CAMTA1: variants seen among roughly 807,000 people sequenced by gnomAD.
CAMTA1 encodes the protein calmodulin-binding transcription activator 1.
In CAMTA1, 27 loss-of-function variants were observed where a neutral mutation model predicts 170.9. The observed-to-expected ratio is 0.16, with a 90% CI of 0.12 to 0.22. CAMTA1 has a LOEUF of 0.22. Among genes scored for constraint, CAMTA1 ranks in the 10% least tolerant of loss-of-function variants. CAMTA1 has a pLI of 1.00. For synonymous variants in CAMTA1, 833 were observed against 891.5 expected (o/e 0.93, Z 1.17); for missense variants, 1,619 against 2,217.2 (o/e 0.73, Z 5.42).
intron 6 of CAMTA1, among the ~76,000 whole-genome samples, chr1:7,557,547 T>C (rs1342483844): frequency 6.6e-6 from 1 of 152,194 alleles, no homozygotes; most frequent in Non-Finnish European, 1.5e-5. Context: ...GAAAAGCAAA[T>C]GAAAAACATA....
chr1:6,871,952 TTGAG>T (rs1668518164), intron 3 of CAMTA1: 2 of 1,286,670 alleles, frequency 1.6e-6, no homozygotes, highest in Admixed American at 3.9e-5. Flanking sequence ...AGATACCCCT[TTGAG>T]TGATAAATTT....
chr1:7,461,134 G>A (rs1390341391), intron 5 of CAMTA1, among the ~76,000 whole-genome samples: 1 of 152,218 alleles, frequency 6.6e-6, no homozygotes, highest in African/African-American at 2.4e-5. Flanking sequence ...GAAGAGAGGG[G>A]AGGGGAGCTC....
intron 6 of CAMTA1, among the ~76,000 whole-genome samples, chr1:7,628,253 G>A (rs1488266045): frequency 6.6e-6 from 1 of 152,194 alleles, no homozygotes; most frequent in African/African-American, 2.4e-5. Flanking sequence ...CAGCAGGAAA[G>A]AGCACCCCTG....
rs1300189577 is a variant in CAMTA1 at position 7,456,783 on chromosome 1, C to A, written c.439-11047C>A. 2.0e-5 allele frequency among the ~76,000 whole-genome samples: 3 copies of A among 152,236 alleles called. No individual in the cohort carries two copies. Among genetic ancestry groups the A allele is most frequent in the African/African-American group, 7.2e-5 (3 of 41,454 alleles). ...AAGCGGTTTGGCAGGTGCTGGGACA[C>A]AGCAGGGGCCCATGTGGGCCTGGCT... On this transcript the variant is annotated intron_variant, in intron 5 of 22. Coordinates refer to ENST00000303635, the MANE Select transcript of CAMTA1 (RefSeq NM_015215.4). This position sits in a 1 kb window ranked among gnomAD's most constrained non-coding sequence, Gnocchi z 4.9.
chr1:7,583,913 A>G (rs72867129), intron 6 of CAMTA1, among the ~76,000 whole-genome samples: 2,037 of 152,174 alleles, frequency 0.013, 42 homozygotes, highest in African/African-American at 0.047. Flanking sequence ...GTGGCATCAG[A>G]TCTGGGCTCT....
chr1:7,276,303 A>ATATTTTTTTTTTTTTTTT, intron 5 of CAMTA1, among the ~76,000 whole-genome samples: 8 of 24,228 alleles, frequency 3.3e-4, no homozygotes, highest in East Asian at 1.5e-3. Context: ...ATATATATAT[A>ATATTTTTTTTTTTTTTTT]TTTTTTTTTT....
At position 7,026,660 on chromosome 1, in the gene CAMTA1, C is replaced by T. The variant is rs754137049; in HGVS notation, c.235-64644C>T. Among the ~76,000 whole-genome samples the T allele has an allele frequency of 4.2e-4, 49 of 115,896 alleles. 1 individual carries two copies. The highest frequency in any genetic ancestry group is 1.1e-3 in the Admixed American group (11 of 9,824). The allele number at this position is 115,896 out of a possible 152,430, so 76.0% of individuals were successfully genotyped here. A position where few individuals can be genotyped will look rare whatever the true frequency, so the allele number is the denominator to read the frequency against. The stretch of plus-strand genomic sequence containing the variant: ...CTTTTTTTTTTTTTTTTTTTTGAGA[C>T]GGAATCTTTCACCAGGCTGGAGTGC... On this transcript the variant is annotated intron_variant, in intron 3 of 22. Transcript: ENST00000303635.
intron 6 of CAMTA1, among the ~76,000 whole-genome samples, chr1:7,640,037 T>TG (rs1297619676): frequency 1.3e-5 from 2 of 152,170 alleles, no homozygotes; most frequent in African/African-American, 4.8e-5. Flanking sequence ...TTTGACCTCA[T>TG]GCCCGTGGTT....
At chr1:7,619,404 A>G (rs981354825) in intron 6 of CAMTA1, among the ~76,000 whole-genome samples, 1 of 152,190 alleles carries the variant, frequency 6.6e-6, no homozygotes, top group African/African-American at 2.4e-5. Flanking sequence ...AGGTGACTGC[A>G]GTCCAGGTTC....
chr1:7,607,463 G>GTGGATGGA (rs754146311), intron 6 of CAMTA1, among the ~76,000 whole-genome samples: 98 of 150,256 alleles, frequency 6.5e-4, no homozygotes, highest in African/African-American at 2.3e-3. Context: ...GGATGGATGG[G>GTGGATGGA]TGGATGGATG....
chr1:7,304,170 T>C (rs1045123481), intron 5 of CAMTA1, among the ~76,000 whole-genome samples: 5 of 152,190 alleles, frequency 3.3e-5, no homozygotes, highest in Admixed American at 3.3e-4. Flanking sequence ...AATGCGAACG[T>C]CCTCAATGCC....
intron 9 of CAMTA1, among the ~76,000 whole-genome samples, chr1:7,669,951 G>A (rs180887250): frequency 4.3e-4 from 65 of 152,338 alleles, no homozygotes; most frequent in Non-Finnish European, 5.6e-4. Context: ...CCCGGGCCCC[G>A]GACATGAGGC....
At chr1:7,225,091 C>CT (rs58965156) in intron 4 of CAMTA1, among the ~76,000 whole-genome samples, 5,512 of 146,920 alleles carry the variant, frequency 0.038, 142 homozygotes, top group East Asian at 0.1. Flanking sequence ...TGGCAGATCT[C>CT]TTTTTTTTTT....
At chr1:7,031,482 A>G (rs2898916) in intron 3 of CAMTA1, among the ~76,000 whole-genome samples, 152,348 of 152,352 alleles carry the variant, frequency 1, 76,172 homozygotes, top group Non-Finnish European at 1. Flanking sequence ...TTTCATTTAA[A>G]GTGGGCTTCT....
chr1:6,798,085 C>T (rs529063228), intron 1 of CAMTA1, among the ~76,000 whole-genome samples: 67 of 151,808 alleles, frequency 4.4e-4, no homozygotes, highest in African/African-American at 1.3e-3. Flanking sequence ...CAACCTCCGC[C>T]GCCTTGGTTC....
At chr1:7,116,986 T>C (rs553330838) in intron 4 of CAMTA1, among the ~76,000 whole-genome samples, 30 of 150,658 alleles carry the variant, frequency 2.0e-4, no homozygotes, top group Admixed American at 3.3e-4. Flanking sequence ...ACTTTTTTTT[T>C]TGACAGAGTT....
intron 5 of CAMTA1, among the ~76,000 whole-genome samples, chr1:7,352,832 C>T (rs748264831): frequency 7.2e-5 from 11 of 152,212 alleles, no homozygotes; most frequent in Non-Finnish European, 1.3e-4. Flanking sequence ...TGGCAAGGCC[C>T]GGATCTTGAG....
intron 5 of CAMTA1, among the ~76,000 whole-genome samples, chr1:7,431,596 C>T (rs1234802576): frequency 6.6e-6 from 1 of 152,194 alleles, no homozygotes; most frequent in Non-Finnish European, 1.5e-5. Flanking sequence ...GAATGGACGG[C>T]CACTTTGGGG....
intron 3 of CAMTA1, among the ~76,000 whole-genome samples, chr1:6,831,294 C>G (rs1403304525): frequency 1.3e-5 from 2 of 152,204 alleles, no homozygotes; most frequent in Admixed American, 6.5e-5. Flanking sequence ...AGAACCTACT[C>G]TTGTTTCATA....
Sources: allele counts gnomAD v4.1 joint callset (sites outside exome capture counted in the v4.1 genomes callset), GRCh38; gene constraint gnomAD v4.1.1; non-coding constraint Gnocchi (gnomAD v3.1); transcripts MANE v1.5; gene names NCBI Gene and HGNC (gene_info 2026-07-23, HGNC 2026-07-21).